SAMM50: variants seen among roughly 807,000 people sequenced by gnomAD.
SAMM50 encodes the protein SAMM50 sorting and assembly machinery component.
Under a neutral mutation model 66.9 loss-of-function variants are expected in SAMM50, and 47 were observed. That is an observed-to-expected ratio of 0.70 (90% confidence interval 0.56 to 0.90). SAMM50 has a LOEUF of 0.90. Ranked by LOEUF, SAMM50 falls within the 40% of genes least tolerant of loss-of-function variation. The pLI, the probability that SAMM50 is intolerant of heterozygous loss-of-function variation, is 0.00. For synonymous variants in SAMM50, 191 were observed against 214.1 expected, an observed-to-expected ratio of 0.89 and a Z score of 0.94; for missense variants, 535 against 595.3, an observed-to-expected ratio of 0.90 and a Z score of 1.05.
intron 4 of SAMM50, among the ~76,000 whole-genome samples, chr22:43,971,611 G>A (rs1360215983): frequency 6.6e-6 from 1 of 152,240 alleles, no homozygotes; most frequent in Non-Finnish European, 1.5e-5. Context: ...TAGGAGAACA[G>A]ATTCCTTTAG....
Position 43,983,755 on chromosome 22 carries a change from A to C in SAMM50, c.1008-178A>C, listed in dbSNP as rs1473634699. Among the ~76,000 whole-genome samples, 1 of 152,092 alleles carries C rather than the reference A, an allele frequency of 6.6e-6. No homozygotes were observed. The highest frequency in any genetic ancestry group is 1.5e-5 in the Non-Finnish European group (1 of 68,022). On this transcript the variant is annotated intron_variant, in intron 11 of 14. Transcript: ENST00000350028. This position sits in a 1 kb window ranked among gnomAD's most constrained non-coding sequence, Gnocchi z 4.2. ...TGTCTCCTTAGATGTTGAGATTTTT[A>C]TGAAATTCCCCTGTAGTGTGCACCC...
rs529391251 is a variant in SAMM50 at position 43,973,835 on chromosome 22, A to G, written c.648+512A>G. Among the ~76,000 whole-genome samples, 237 of 151,876 alleles carry G rather than the reference A, an allele frequency of 1.6e-3. 3 individuals carry two copies. The highest frequency in any genetic ancestry group is 5.1e-3 in the African/African-American group (211 of 41,406). Reference sequence around the variant, plus strand: ...CTTATGTTGGCCAGGCTGGTCTCGAACTCCCGACCTCAAGTGATCTGCCCG... The same window carrying G: ...CTTATGTTGGCCAGGCTGGTCTCGAGCTCCCGACCTCAAGTGATCTGCCCG... On this transcript the variant is annotated intron_variant, in intron 7 of 14. Coordinates refer to ENST00000350028, the MANE Select transcript of SAMM50 (RefSeq NM_015380.5).
chr22:43,991,364 ACCT>A (rs2050324089), intron 14 of SAMM50, among the ~76,000 whole-genome samples: 1 of 139,024 alleles, frequency 7.2e-6, no homozygotes, highest in African/African-American at 2.8e-5. Context: ...TGCAGCCTTG[ACCT>A]CCTGGGCTCA....
chr22:43,991,046 G>C (rs1454084742), intron 14 of SAMM50, among the ~76,000 whole-genome samples: 1 of 149,724 alleles, frequency 6.7e-6, no homozygotes, highest in East Asian at 2.0e-4. Context: ...GCACGATCTT[G>C]GCTCACTGCA....
chr22:43,968,606 G>A (rs989186914), intron 3 of SAMM50, 125 bp from the exon 4 acceptor site: 11 of 689,104 alleles, frequency 1.6e-5, no homozygotes, highest in Admixed American at 4.1e-5. Flanking sequence ...TCTTGGTAGT[G>A]CTCTCTGCTC....
Position 43,981,133 on chromosome 22 carries a change from G to C in SAMM50, c.937-258G>C, listed in dbSNP as rs6006597. On this transcript the variant is annotated intron_variant, in intron 10 of 14. Coordinates refer to ENST00000350028, the MANE Select transcript of SAMM50 (RefSeq NM_015380.5). ...CAGAGCAGGGGCCTGCCCTGTGTCC[G>C]AATGGAAGCCGGGCCCTGCTCGCCT... Among the ~76,000 whole-genome samples the C allele has an allele frequency of 2.0e-5, 3 of 152,344 alleles. No homozygotes were observed. In the South Asian group the frequency reaches 6.2e-4, roughly 32 times the overall value.
chr22:43,968,874 C>T, intron 4 of SAMM50, 56 bp downstream of exon 4: 2 of 1,278,616 alleles, frequency 1.6e-6, no homozygotes, highest in Non-Finnish European at 1.1e-6. Context: ...CAGAGAAAAG[C>T]TGTTTTTATG....
At chr22:43,955,648 C>G (rs1235084193) in intron 1 of SAMM50, 50 bp downstream of exon 1, 2 of 1,540,472 alleles carry the variant, frequency 1.3e-6, no homozygotes, top group Admixed American at 4.0e-5. Context: ...GCCAGCAGGG[C>G]AGACGGGCGC....
chr22:43,969,158 G>A (rs2146811616), intron 4 of SAMM50, among the ~76,000 whole-genome samples: 1 of 152,264 alleles, frequency 6.6e-6, no homozygotes, highest in Non-Finnish European at 1.5e-5. Context: ...TGAAGATACT[G>A]TTGTGTGAAG....
rs372949357 is a variant in SAMM50, at chr22:43,962,666, CAT to C, written c.22-619_22-618del. Among the ~76,000 whole-genome samples, 191 of 152,242 alleles carry C rather than the reference CAT, an allele frequency of 1.3e-3. 1 individual carries two copies. Among genetic ancestry groups the C allele is most frequent in the African/African-American group, 2.3e-3 (95 of 41,544 alleles). ...TGGTTTGTCAAGGTAGCTATCCTAA[CAT>C]GTGTACAATTTTAATTCTAAAAATT... On this transcript the variant is annotated intron_variant, in intron 1 of 14. Transcript: ENST00000350028.
At chr22:43,992,671 G>C (rs1476034333) in intron 14 of SAMM50, among the ~76,000 whole-genome samples, 1 of 152,244 alleles carries the variant, frequency 6.6e-6, no homozygotes, top group Non-Finnish European at 1.5e-5. Flanking sequence ...GGACGATCAT[G>C]ATGGTGACTG....
chr22:43,984,152 G>T (rs905780411), intron 12 of SAMM50, 152 bp downstream of exon 12: 17 of 618,958 alleles, frequency 2.7e-5, no homozygotes, highest in Admixed American at 6.4e-5. Context: ...TGTAGCAGGT[G>T]TAGAACATTT....
chr22:43,962,881 ATTTTTTTTTTTTTTTTT>A (rs58022542), intron 1 of SAMM50, among the ~76,000 whole-genome samples: 2,066 of 65,778 alleles, frequency 0.031, 121 homozygotes, highest in African/African-American at 0.14. Flanking sequence ...CTTTTGGTTA[ATTTTTTTTTTTTTTTTT>A]TTTTTTTTTT....
At chr22:43,957,302 C>A in intron 1 of SAMM50, 1 of 646,252 alleles carries the variant, frequency 1.5e-6, no homozygotes. Flanking sequence ...CCTGCTAAGG[C>A]TGTTGGACAC....
Position 43,977,970 on chromosome 22 carries a change from A to G in SAMM50, c.936+12A>G. ...TCATATTTGATTCAGTGAGTATCTAACGGATGCTGGCACCTGCACTGTCAG... is the reference window on the plus strand; with the variant it reads ...TCATATTTGATTCAGTGAGTATCTAGCGGATGCTGGCACCTGCACTGTCAG... On this transcript the variant is annotated intron_variant, in intron 10 of 14. Transcript: ENST00000350028. 6.3e-7 allele frequency: 1 copy of G among 1,576,076 alleles called. No homozygotes were observed. Among genetic ancestry groups the G allele is most frequent in the Non-Finnish European group, 8.7e-7 (1 of 1,146,996 alleles).
chr22:43,976,911 G>T, intron 9 of SAMM50, 90 bp downstream of exon 9: 1 of 755,514 alleles, frequency 1.3e-6, no homozygotes, highest in Non-Finnish European at 2.3e-6. Context: ...GTGGGCCTGG[G>T]GGTGGGCAGT....
Position 43,955,559 on chromosome 22 carries a change from AGCG to A in SAMM50, c.-16_-14del. 6.3e-7 allele frequency: 1 copy of A among 1,599,652 alleles called. No homozygotes were observed. The highest frequency in any genetic ancestry group is 8.5e-7 in the Non-Finnish European group (1 of 1,174,144). ...TCCCGCCCGGGCAGCTCTGCGAGGC[AGCG>A]GCTGGAGAGGGAACCATGGGGACTG... On this transcript the variant is annotated 5_prime_UTR_variant, in exon 1 of 15. Coordinates refer to ENST00000350028, the MANE Select transcript of SAMM50 (RefSeq NM_015380.5).
intron 3 of SAMM50, among the ~76,000 whole-genome samples, chr22:43,966,074 A>T (rs375404348): frequency 6.6e-6 from 1 of 152,200 alleles, no homozygotes; most frequent in African/African-American, 2.4e-5. Context: ...CTCCTGGCAC[A>T]AGGGGTCCTC....
intron 1 of SAMM50, among the ~76,000 whole-genome samples, chr22:43,957,671 G>A (rs531874819): frequency 1.1e-4 from 16 of 152,252 alleles, no homozygotes; most frequent in African/African-American, 3.9e-4. Flanking sequence ...TGATCATCCC[G>A]CCTCGGCCTC....
Sources: gnomAD v4.1 joint callset for allele counts (sites outside exome capture counted in the v4.1 genomes callset) on GRCh38, gnomAD v4.1.1 for gene constraint, Gnocchi (gnomAD v3.1) non-coding constraint, MANE v1.5 for transcripts, NCBI Gene and HGNC (gene_info 2026-07-23, HGNC 2026-07-21) for gene names.